GNAO1: variants seen among roughly 807,000 people sequenced by gnomAD.
The protein encoded by GNAO1 is G protein subunit alpha o1, also known as guanine nucleotide-binding protein G(o) subunit alpha.
For missense variants in GNAO1, 166 were observed against 478.7 expected, an observed-to-expected ratio of 0.35 and a Z score of 6.10; for synonymous variants, 164 against 180.7, an observed-to-expected ratio of 0.91 and a Z score of 0.74.
chr16:56,200,714 C>A (rs1443048228), intron 2 of GNAO1, among the ~76,000 whole-genome samples: 1 of 152,184 alleles, frequency 6.6e-6, no homozygotes, highest in Non-Finnish European at 1.5e-5. Flanking sequence ...GTTGATGGTG[C>A]CAGCTGTGGT....
Position 56,334,714 on chromosome 16 carries a change from T to G in GNAO1, c.465-15T>G, listed in dbSNP as rs2037723598. ...GGCATTTGGTCCATAGTCCCCTGTT[T>G]GTTGCCATCCTCAGCTACCTGGACA... On this transcript the variant is annotated splice_polypyrimidine_tract_variant and intron_variant, in intron 4 of 8. Coordinates refer to ENST00000262493, the MANE Select transcript of GNAO1 (RefSeq NM_020988.3). 1.2e-6 allele frequency: 2 copies of G among 1,613,774 alleles called. No individual in the cohort carries two copies. Among genetic ancestry groups the G allele is most frequent in the Non-Finnish European group, 1.7e-6 (2 of 1,179,926 alleles).
chr16:56,198,929 G>A (rs1413936751), intron 2 of GNAO1, among the ~76,000 whole-genome samples: 1 of 152,152 alleles, frequency 6.6e-6, no homozygotes. Flanking sequence ...ATTTTTGATG[G>A]CGCAGCTGCT....
intron 2 of GNAO1, among the ~76,000 whole-genome samples, chr16:56,256,530 C>G (rs1033956693): frequency 2.0e-5 from 3 of 152,154 alleles, no homozygotes; most frequent in African/African-American, 7.2e-5. Context: ...GCATGTACCC[C>G]CATCTGCCCA....
intron 2 of GNAO1, among the ~76,000 whole-genome samples, chr16:56,264,474 T>C (rs2036933337): frequency 6.6e-6 from 1 of 152,228 alleles, no homozygotes; most frequent in Non-Finnish European, 1.5e-5. Flanking sequence ...TCACAAGTCC[T>C]GGCCTTGCCC....
chr16:56,279,131 C>T (rs532595742), intron 3 of GNAO1, among the ~76,000 whole-genome samples: 20 of 152,176 alleles, frequency 1.3e-4, no homozygotes, highest in African/African-American at 4.8e-4. Context: ...CAGCACCTGC[C>T]GGGGCCAGCC....
rs1291085368 is a variant in GNAO1, at chr16:56,337,443, G to C, written c.723+583G>C. Among the ~76,000 whole-genome samples, 3 of 152,150 alleles carry C rather than the reference G, an allele frequency of 2.0e-5. No homozygotes were observed. The East Asian group carries it at 5.8e-4, about 29-fold the overall frequency. ...CTGGTGAGTGACAGTCGTGGCTCTG[G>C]GCTCCTTTGCCAAATGCCAGACCAG... On this transcript the variant is annotated intron_variant, in intron 6 of 8. Transcript: ENST00000262493.
At chr16:56,274,175 C>T (rs2143516641) in intron 2 of GNAO1, among the ~76,000 whole-genome samples, 2 of 152,346 alleles carry the variant, frequency 1.3e-5, no homozygotes, top group South Asian at 4.1e-4. Context: ...GACGCCCAGG[C>T]CATCACCGGA....
intron 7 of GNAO1, chr16:56,352,562 C>CTGGAT (rs1401139005): frequency 6.6e-6 from 1 of 152,348 alleles, no homozygotes; most frequent in African/African-American, 2.4e-5. Context: ...TCTGACAGCC[C>CTGGAT]TGGAGTAAGG....
At chr16:56,322,313 C>T (rs973523783) in intron 3 of GNAO1, among the ~76,000 whole-genome samples, 4 of 152,154 alleles carry the variant, frequency 2.6e-5, no homozygotes, top group East Asian at 1.9e-4. Context: ...CACCCAGGCA[C>T]GCTCTGACCA....
chr16:56,249,348 T>TC (rs1239668137), intron 2 of GNAO1, among the ~76,000 whole-genome samples: 1 of 152,176 alleles, frequency 6.6e-6, no homozygotes, highest in Non-Finnish European at 1.5e-5. Context: ...CGACACCGTT[T>TC]CCTTCAGAGC....
At chr16:56,260,890 GTC>G in intron 2 of GNAO1, among the ~76,000 whole-genome samples, 1 of 152,086 alleles carries the variant, frequency 6.6e-6, no homozygotes, top group Non-Finnish European at 1.5e-5. Context: ...GTTTTGCTGT[GTC>G]TCTCTGTGAA....
chr16:56,346,144 A>G (rs2037866043), intron 6 of GNAO1: 2 of 985,086 alleles, frequency 2.0e-6, no homozygotes. Flanking sequence ...CTCCCACCCT[A>G]GCCTGGGGGT....
chr16:56,252,179 A>G (rs770086003), intron 2 of GNAO1, among the ~76,000 whole-genome samples: 10 of 152,224 alleles, frequency 6.6e-5, no homozygotes, highest in Non-Finnish European at 1.0e-4. Flanking sequence ...CTGCAGGTAC[A>G]TGGTAAACTA....
At chr16:56,341,322 C>T (rs971771258) in intron 6 of GNAO1, among the ~76,000 whole-genome samples, 3 of 152,194 alleles carry the variant, frequency 2.0e-5, no homozygotes, top group South Asian at 2.1e-4. Context: ...GGCACAGAGG[C>T]TTGGAGTTAG....
At chr16:56,331,809 T>G (rs2037691309) in intron 4 of GNAO1, among the ~76,000 whole-genome samples, 1 of 152,146 alleles carries the variant, frequency 6.6e-6, no homozygotes, top group South Asian at 2.1e-4. Flanking sequence ...CAGCCCTCCC[T>G]CCTGACTTCT....
At chr16:56,330,983 C>T (rs566059979) in intron 4 of GNAO1, among the ~76,000 whole-genome samples, 2 of 152,348 alleles carry the variant, frequency 1.3e-5, no homozygotes, top group Non-Finnish European at 2.9e-5. Flanking sequence ...GCCGGAAGGG[C>T]CTGGCACATT....
chr16:56,328,929 AG>A, intron 4 of GNAO1, 138 bp downstream of exon 4: 1 of 797,608 alleles, frequency 1.3e-6, no homozygotes, highest in African/African-American at 1.7e-5. Context: ...CCATAGGTAG[AG>A]GGTGTCAGGA....
intron 2 of GNAO1, among the ~76,000 whole-genome samples, chr16:56,234,297 G>T (rs987096176): frequency 6.6e-6 from 1 of 152,258 alleles, no homozygotes; most frequent in Non-Finnish European, 1.5e-5. Context: ...GCAAACACTT[G>T]TGCAGCCAGC....
At chr16:56,345,163 C>G in intron 6 of GNAO1, 2 of 985,996 alleles carry the variant, frequency 2.0e-6, no homozygotes, top group South Asian at 4.7e-5. Flanking sequence ...GTGACGGTGA[C>G]GCAGGTCTGG....
Sources: gnomAD v4.1 joint callset for allele counts (sites outside exome capture counted in the v4.1 genomes callset) on GRCh38, gnomAD v4.1.1 for gene constraint, MANE v1.5 for transcripts, NCBI Gene and HGNC (gene_info 2026-07-23, HGNC 2026-07-21) for gene names.